Variants in AFG2A observed in about 807,000 individuals in gnomAD.
AFG2A encodes AAA ATPase AFG2A, also known as ATPase family gene 2 protein homolog A.
the AFG2A span, among the ~76,000 whole-genome samples, chr4:123,211,580 G>A: frequency 2.0e-5 from 3 of 152,138 alleles, no homozygotes; most frequent in South Asian, 2.1e-4. Context: ...ACAGCTAAGA[G>A]TAAATGATTG....
chr4:123,054,485 G>T, the AFG2A span, among the ~76,000 whole-genome samples: 2 of 151,744 alleles, frequency 1.3e-5, 1 homozygote, highest in South Asian at 4.2e-4. Flanking sequence ...TTGGGAGGCC[G>T]AGGCAGGCAG....
At chr4:123,074,093 G>GTTTTTTT in the AFG2A span, among the ~76,000 whole-genome samples, 3 of 39,534 alleles carry the variant, frequency 7.6e-5, no homozygotes, top group Admixed American at 2.7e-4. Context: ...TTCTCAGATA[G>GTTTTTTT]TATTTTTTTT....
the AFG2A span, among the ~76,000 whole-genome samples, chr4:123,180,266 T>C: frequency 6.6e-6 from 1 of 152,108 alleles, no homozygotes; most frequent in African/African-American, 2.4e-5. Flanking sequence ...ACTATTTATT[T>C]AGCTATTTTT....
the AFG2A span, among the ~76,000 whole-genome samples, chr4:123,104,837 G>T: frequency 7.9e-5 from 12 of 152,158 alleles, no homozygotes; most frequent in Admixed American, 3.9e-4. Context: ...AGAAAAGTTG[G>T]CAGCTAGCAG....
chr4:123,126,969 C>A, the AFG2A span, among the ~76,000 whole-genome samples: 27 of 152,056 alleles, frequency 1.8e-4, no homozygotes, highest in African/African-American at 6.5e-4. Context: ...ACCTGTAATC[C>A]CAACATTTTG....
chr4:123,107,287 C>T, the AFG2A span, among the ~76,000 whole-genome samples: 6 of 152,194 alleles, frequency 3.9e-5, no homozygotes, highest in South Asian at 2.1e-4. Flanking sequence ...GTTCTTGTCC[C>T]GTGTCCAGGA....
chr4:123,300,752 GTTTTT>G, the AFG2A span, among the ~76,000 whole-genome samples: 38 of 146,298 alleles, frequency 2.6e-4, no homozygotes, highest in Middle Eastern at 3.5e-3. Context: ...TGTTTTTTTT[GTTTTT>G]TTTTTTTTTA....
the AFG2A span, among the ~76,000 whole-genome samples, chr4:123,129,931 T>C: frequency 6.6e-6 from 1 of 152,066 alleles, no homozygotes; most frequent in Non-Finnish European, 1.5e-5. Context: ...CCATCCTTGA[T>C]CATACACGTG....
the AFG2A span, among the ~76,000 whole-genome samples, chr4:123,299,015 A>G: frequency 6.6e-6 from 1 of 152,174 alleles, no homozygotes. Context: ...TAAAAGACTC[A>G]CAAGTGGTAG....
At chr4:123,095,778 C>T in the AFG2A span, among the ~76,000 whole-genome samples, 1 of 151,918 alleles carries the variant, frequency 6.6e-6, no homozygotes, top group Non-Finnish European at 1.5e-5. Context: ...ACATTAAATC[C>T]AGGCATTTGG....
chr4:122,986,836 A>G, the AFG2A span, among the ~76,000 whole-genome samples: 22 of 152,168 alleles, frequency 1.4e-4, no homozygotes, highest in Non-Finnish European at 4.4e-5. Context: ...TGTTAGGTCC[A>G]TTTAGTCTAT....
At chr4:123,263,479 T>C in the AFG2A span, among the ~76,000 whole-genome samples, 1 of 152,198 alleles carries the variant, frequency 6.6e-6, no homozygotes, top group Non-Finnish European at 1.5e-5. Flanking sequence ...AATGGAGATT[T>C]TACATCTCAA....
At chr4:123,023,216 GA>G in the AFG2A span, among the ~76,000 whole-genome samples, 69 of 150,850 alleles carry the variant, frequency 4.6e-4, no homozygotes, top group East Asian at 7.2e-3. Context: ...TAAAAGGAAG[GA>G]AAAAAAAGGG....
the AFG2A span, among the ~76,000 whole-genome samples, chr4:123,137,437 A>G: frequency 6.6e-6 from 1 of 152,184 alleles, no homozygotes; most frequent in African/African-American, 2.4e-5. Flanking sequence ...ATGCATTCAC[A>G]TTTATCAATT....
the AFG2A span, among the ~76,000 whole-genome samples, chr4:123,169,450 C>T: frequency 6.6e-6 from 1 of 152,108 alleles, no homozygotes; most frequent in Admixed American, 6.5e-5. Flanking sequence ...AGAGATAGAG[C>T]CTGGCTATGC....
the AFG2A span, among the ~76,000 whole-genome samples, chr4:122,962,501 A>C: frequency 1.3e-5 from 2 of 152,154 alleles, no homozygotes; most frequent in African/African-American, 2.4e-5. Flanking sequence ...TACTTTTGCT[A>C]CTCATTTGAG....
chr4:123,225,343 G>T, the AFG2A span, among the ~76,000 whole-genome samples: 5 of 152,050 alleles, frequency 3.3e-5, no homozygotes, highest in Admixed American at 2.0e-4. Flanking sequence ...TATGGTTTTA[G>T]GTCTAACATT....
the AFG2A span, among the ~76,000 whole-genome samples, chr4:123,050,739 C>CTTTTTTTTTTTT: frequency 1.0e-4 from 14 of 140,304 alleles, no homozygotes; most frequent in African/African-American, 3.7e-4. Flanking sequence ...ATAGTTGTGT[C>CTTTTTTTTTTTT]TTTTTTTTTT....
chr4:123,024,300 C>A, the AFG2A span, among the ~76,000 whole-genome samples: 1 of 45,598 alleles, frequency 2.2e-5, no homozygotes, highest in South Asian at 1.2e-3. Context: ...ACGAACAGAC[C>A]CCCCAAAAAA....
Sources: allele counts gnomAD v4.1 joint callset (sites outside exome capture counted in the v4.1 genomes callset), GRCh38; gene constraint gnomAD v4.1.1; transcripts MANE v1.5; gene names NCBI Gene and HGNC (gene_info 2026-07-23, HGNC 2026-07-21).